Variants in MAF observed in about 807,000 individuals in gnomAD.
The protein encoded by MAF is MAF bZIP transcription factor.
Under a neutral mutation model 22.0 loss-of-function variants are expected in MAF, and 10 were observed. The observed-to-expected ratio is 0.45, with a 90% CI of 0.28 to 0.77. MAF has a LOEUF of 0.77. MAF is among the 30% of genes least tolerant of loss of function. MAF has a pLI of 0.12. For synonymous variants in MAF, 337 were observed against 255.8 expected (o/e 1.32, Z -3.03); for missense variants, 544 against 548.4 (o/e 0.99, Z 0.08).
At chr16:79,256,192 G>A in the MAF span, among the ~76,000 whole-genome samples, 1 of 151,214 alleles carries the variant, frequency 6.6e-6, no homozygotes. Flanking sequence ...ATTTCACCAT[G>A]TTAGACAGGA....
the MAF span, among the ~76,000 whole-genome samples, chr16:79,238,728 G>A: frequency 1.3e-5 from 2 of 151,934 alleles, no homozygotes; most frequent in African/African-American, 4.8e-5. Flanking sequence ...TACTTCTGCT[G>A]AAAAAAATCA....
the MAF span, among the ~76,000 whole-genome samples, chr16:79,537,613 C>A: frequency 6.6e-6 from 1 of 152,110 alleles, no homozygotes. Context: ...CCCCATCAGT[C>A]TTTTTCAATT....
chr16:79,230,351 G>T, the MAF span, among the ~76,000 whole-genome samples: 1 of 152,114 alleles, frequency 6.6e-6, no homozygotes, highest in African/African-American at 2.4e-5. Flanking sequence ...ACCAATAGAG[G>T]GAACTGAGCA....
the MAF span, among the ~76,000 whole-genome samples, chr16:79,232,941 C>T: frequency 2.7e-5 from 4 of 150,204 alleles, no homozygotes; most frequent in Middle Eastern, 3.4e-3. Context: ...CCCGGGTTCA[C>T]GCCATTCTCC....
chr16:79,304,936 G>A, the MAF span, among the ~76,000 whole-genome samples: 1 of 152,152 alleles, frequency 6.6e-6, no homozygotes, highest in Non-Finnish European at 1.5e-5. Flanking sequence ...ATAATAAATA[G>A]GGAGTTTCTA....
chr16:79,332,590 C>T, the MAF span, among the ~76,000 whole-genome samples: 54 of 152,328 alleles, frequency 3.5e-4, no homozygotes, highest in South Asian at 8.9e-3. Context: ...TGAGCCACCA[C>T]GCCTGACTCA....
chr16:79,426,787 T>A, the MAF span, among the ~76,000 whole-genome samples: 1 of 152,204 alleles, frequency 6.6e-6, no homozygotes, highest in Non-Finnish European at 1.5e-5. Context: ...AAAGGGTGGT[T>A]TTTCCCTCTG....
Position 79,598,749 on chromosome 16 carries a change from T to A in MAF, c.1118+36A>T, listed in dbSNP as rs12919670. On this transcript the variant is annotated intron_variant, in intron 1 of 1. Transcript: ENST00000326043. Reference sequence around the variant, plus strand: ...GAGCCGGACCCCCGCGGAGCACTTATCAGGGTGGCTAGCTGGAATCGCGTG... The same window carrying A: ...GAGCCGGACCCCCGCGGAGCACTTAACAGGGTGGCTAGCTGGAATCGCGTG... 3,732 of 1,613,350 alleles carry A rather than the reference T, an allele frequency of 2.3e-3. 76 individuals are homozygous for A. In the African/African-American group the frequency reaches 0.042, roughly 18 times the overall value.
the MAF span, among the ~76,000 whole-genome samples, chr16:79,292,295 A>C: frequency 5.3e-5 from 8 of 152,282 alleles, no homozygotes; most frequent in Admixed American, 5.2e-4. Context: ...ACATACAGGG[A>C]AAAGGCCATG....
At chr16:79,542,984 C>A in the MAF span, among the ~76,000 whole-genome samples, 2,287 of 152,282 alleles carry the variant, frequency 0.015, 16 homozygotes, top group Middle Eastern at 0.031. Context: ...TGCATGCACA[C>A]GTGTGTGTAT....
At chr16:79,216,816 T>C in the MAF span, among the ~76,000 whole-genome samples, 1 of 151,790 alleles carries the variant, frequency 6.6e-6, no homozygotes, top group Non-Finnish European at 1.5e-5. Context: ...TGCTACTTTT[T>C]TTTTTTTTTT....
chr16:79,569,000 AGC>A, the MAF span, among the ~76,000 whole-genome samples: 1 of 152,200 alleles, frequency 6.6e-6, no homozygotes, highest in African/African-American at 2.4e-5. Context: ...TAAATTAGTC[AGC>A]TAGAAGGTTA....
At chr16:79,419,523 C>T in the MAF span, among the ~76,000 whole-genome samples, 3 of 152,190 alleles carry the variant, frequency 2.0e-5, no homozygotes, top group East Asian at 5.8e-4. Context: ...TTTCAGGCTT[C>T]CAGGCTTAGC....
chr16:79,505,690 G>T, the MAF span: 1 of 152,234 alleles, frequency 6.6e-6, no homozygotes, highest in East Asian at 1.9e-4. Context: ...TTGCCCAGGT[G>T]GCCAGCAAGA....
At chr16:79,234,920 TC>T in the MAF span, among the ~76,000 whole-genome samples, 1,589 of 152,142 alleles carry the variant, frequency 0.01, 27 homozygotes, top group Admixed American at 0.022. Context: ...GACGCACCCT[TC>T]TTTACACTCC....
the MAF span, among the ~76,000 whole-genome samples, chr16:79,454,325 GAAGA>G: frequency 6.6e-6 from 1 of 152,150 alleles, no homozygotes. Context: ...AAAGGACAGT[GAAGA>G]GAGAGGGCCC....
chr16:79,377,567 G>A, the MAF span, among the ~76,000 whole-genome samples: 189 of 152,178 alleles, frequency 1.2e-3, 2 homozygotes, highest in Middle Eastern at 3.4e-3. Flanking sequence ...TTTTGTTGCC[G>A]TTGCTTTTGG....
the MAF span, among the ~76,000 whole-genome samples, chr16:79,368,578 A>G: frequency 2.2e-3 from 337 of 152,254 alleles, 1 homozygote; most frequent in African/African-American, 7.8e-3. Context: ...GTCCTTTCTC[A>G]GAGTAAATGT....
At chr16:79,353,513 T>C in the MAF span, among the ~76,000 whole-genome samples, 3 of 152,130 alleles carry the variant, frequency 2.0e-5, no homozygotes, top group South Asian at 2.1e-4. Context: ...GTGTGCTACA[T>C]AATATGATCT....
Sources: gnomAD v4.1 joint callset for allele counts (sites outside exome capture counted in the v4.1 genomes callset) on GRCh38, gnomAD v4.1.1 for gene constraint, MANE v1.5 for transcripts, NCBI Gene and HGNC (gene_info 2026-07-23, HGNC 2026-07-21) for gene names.